MAU2: variants seen among roughly 807,000 people sequenced by gnomAD.
MAU2 encodes the protein MAU2 chromatid cohesion factor homolog.
MAU2 carries 9 observed loss-of-function variants against 89.1 expected under a neutral mutation model. The ratio of observed to expected loss-of-function variants is 0.10; its 90% confidence interval spans 0.06 to 0.18. The LOEUF (loss-of-function observed/expected upper bound fraction) is 0.18. Among genes scored for constraint, MAU2 ranks in the 10% least tolerant of loss-of-function variants. The pLI is 1.00. For missense variants in MAU2, 425 were observed against 803.5 expected (o/e 0.53, Z 5.69); for synonymous variants, 357 against 343.4 (o/e 1.04, Z -0.44).
Position 19,320,873 on chromosome 19 carries a change from C to G in MAU2, c.14C>G (p.Ala5Gly), listed in dbSNP as rs1397202528. Residue 5 changes from alanine to glycine, a missense_variant, in exon 1 of 19, where the codon GCG (alanine) becomes GGG (glycine). Ala to Gly is a moderately conservative substitution (Grantham distance 60, BLOSUM62 0). Coordinates refer to ENST00000262815, the MANE Select transcript of MAU2 (RefSeq NM_015329.4). ...GTGGAGGCCAAAATGGCGGCTCAGGCGGCGGCAGCGGCCCAGGCGGCGGCG... is the reference window on the plus strand; with the variant it reads ...GTGGAGGCCAAAATGGCGGCTCAGGGGGCGGCAGCGGCCCAGGCGGCGGCG... Reference protein sequence around the residue: MAAQAAAAAQAAAAQ... With the variant: MAAQGAAAAQAAAAQ... 6.6e-7 allele frequency: 1 copy of G among 1,517,454 alleles called. No homozygotes were observed. The highest frequency in any genetic ancestry group is 1.3e-5 in the South Asian group (1 of 78,610). The allele number at this position is 1,517,454 out of a possible 1,614,324, so 94.0% of individuals were successfully genotyped here. A position where few individuals can be genotyped will look rare whatever the true frequency, so the allele number is the denominator to read the frequency against.
At chr19:19,328,181 T>G (rs934495428) in intron 1 of MAU2, among the ~76,000 whole-genome samples, 1 of 151,800 alleles carries the variant, frequency 6.6e-6, no homozygotes, top group Non-Finnish European at 1.5e-5. Flanking sequence ...AAAAAAAATT[T>G]TGCAATGCCA....
chr19:19,344,702 T>G, intron 10 of MAU2, 147 bp from the exon 11 acceptor site: 1 of 661,076 alleles, frequency 1.5e-6, no homozygotes. Context: ...TTTGCCCTCA[T>G]GGTGGACGTG....
At chr19:19,340,985 G>A (rs1231584551) in intron 6 of MAU2, 112 bp downstream of exon 6, 14 of 1,420,822 alleles carry the variant, frequency 9.9e-6, no homozygotes, top group African/African-American at 7.1e-5. Context: ...CCCCTTAGGC[G>A]CCCAGACCCT....
intron 16 of MAU2, chr19:19,353,586 C>G (rs2061761659): frequency 6.6e-6 from 1 of 152,308 alleles, no homozygotes. Context: ...CCCAAGTGCT[C>G]CCTGGGCTGC....
intron 3 of MAU2, 69 bp downstream of exon 3, chr19:19,336,256 G>A: frequency 8.5e-7 from 1 of 1,175,326 alleles, no homozygotes; most frequent in Non-Finnish European, 1.3e-6. Context: ...CAGCACATTG[G>A]TAAATTGGGG....
rs1030639500 is a variant in MAU2, at chr19:19,358,350, C to A, written c.*2568C>A. On this transcript the variant is annotated 3_prime_UTR_variant, in exon 19 of 19. Coordinates refer to ENST00000262815, the MANE Select transcript of MAU2 (RefSeq NM_015329.4). ...GTGAGGCTGCCATGTTTCCTTGAGA[C>A]ACAGCTGCCTCTCCCCAGCTCTGTC... The A allele has an allele frequency of 6.6e-6, 1 of 152,230 alleles. No homozygotes were observed. The highest frequency in any genetic ancestry group is 2.4e-5 in the African/African-American group (1 of 41,424). The allele number at this position is 152,230 out of a possible 1,614,324, so 9.4% of individuals were successfully genotyped here. A position where few individuals can be genotyped will look rare whatever the true frequency, so the allele number is the denominator to read the frequency against.
chr19:19,332,825 C>T (rs2061566778), intron 1 of MAU2, among the ~76,000 whole-genome samples: 1 of 152,184 alleles, frequency 6.6e-6, no homozygotes, highest in Non-Finnish European at 1.5e-5. Context: ...GCCTGTAATC[C>T]CAGCACTTCG....
chr19:19,330,032 T>C (rs1346180810), intron 1 of MAU2, among the ~76,000 whole-genome samples: 2 of 151,634 alleles, frequency 1.3e-5, no homozygotes, highest in African/African-American at 4.8e-5. Context: ...CAGGCTGGAG[T>C]GCAGTGGCGC....
At chr19:19,340,984 C>G in intron 6 of MAU2, 111 bp downstream of exon 6, 1 of 1,418,928 alleles carries the variant, frequency 7.0e-7, no homozygotes, top group South Asian at 1.3e-5. Flanking sequence ...GCCCCTTAGG[C>G]GCCCAGACCC....
chr19:19,354,448 G>C lies in MAU2; in HGVS notation c.1639+3G>C. On this transcript the variant is annotated splice_donor_region_variant and intron_variant, in intron 17 of 18. Coordinates refer to ENST00000262815, the MANE Select transcript of MAU2 (RefSeq NM_015329.4). ...GTGGTCGTCAGCACTGCTGAGAGGT[G>C]AGTGCAATGGCCACCCCTCTTCCCC... The C allele has an allele frequency of 6.2e-7, 1 of 1,612,414 alleles. No individual in the cohort carries two copies. The highest frequency in any genetic ancestry group is 8.5e-7 in the Non-Finnish European group (1 of 1,179,254).
intron 6 of MAU2, 127 bp from the exon 7 acceptor site, chr19:19,341,125 A>G: frequency 3.4e-6 from 4 of 1,189,270 alleles, no homozygotes; most frequent in East Asian, 2.5e-5. Flanking sequence ...CTGGGGTTTC[A>G]GGCTGGCCTT....
At chr19:19,350,117 A>G (rs1172728099) in intron 16 of MAU2, among the ~76,000 whole-genome samples, 3 of 150,580 alleles carry the variant, frequency 2.0e-5, no homozygotes, top group Non-Finnish European at 4.4e-5. Flanking sequence ...CAACATAGTG[A>G]AACCCTGTCT....
intron 1 of MAU2, among the ~76,000 whole-genome samples, chr19:19,331,914 G>A (rs769624361): frequency 2.6e-5 from 4 of 152,234 alleles, no homozygotes; most frequent in Non-Finnish European, 4.4e-5. Flanking sequence ...TGATGTCCCA[G>A]TGAAGAAGCA....
chr19:19,341,171 TG>T, intron 6 of MAU2, 80 bp from the exon 7 acceptor site: 1 of 1,492,838 alleles, frequency 6.7e-7, no homozygotes, highest in Admixed American at 1.9e-5. Context: ...CCAGGGCAGG[TG>T]GGCAGGTGAC....
At chr19:19,337,142 A>G (rs746715138) in intron 3 of MAU2, 28 bp from the exon 4 acceptor site, 7 of 1,526,752 alleles carry the variant, frequency 4.6e-6, no homozygotes, top group Admixed American at 1.9e-5. Flanking sequence ...TTTTTCTTAC[A>G]TTCCCAAACG....
chr19:19,351,139 C>T (rs912419244), intron 16 of MAU2, among the ~76,000 whole-genome samples: 7 of 151,320 alleles, frequency 4.6e-5, no homozygotes, highest in African/African-American at 1.7e-4. Context: ...CCTTCACCCC[C>T]TGTAGGCTCA....
intron 16 of MAU2, among the ~76,000 whole-genome samples, chr19:19,351,875 G>T (rs1174877470): frequency 9.8e-6 from 1 of 102,508 alleles, no homozygotes; most frequent in African/African-American, 3.8e-5. Flanking sequence ...TTGAGATGAA[G>T]TCTTGCTCTC....
rs2048178645 is a variant in MAU2 at position 19,356,375 on chromosome 19, G to C, written c.*593G>C. 3.3e-6 allele frequency: 1 copy of C among 300,544 alleles called. No individual in the cohort carries two copies. The highest frequency in any genetic ancestry group is 4.6e-5 in the Admixed American group (1 of 21,652). 18.6% of individuals were successfully genotyped at this position (300,544 alleles called of 1,614,324 possible). On this transcript the variant is annotated 3_prime_UTR_variant, in exon 19 of 19. Transcript: ENST00000262815. ...GGGCCTCTGGTCAGGAACCCTCAGG[G>C]ACCCAGGAACTCAGCTTCCAAACAT...
intron 18 of MAU2, 63 bp downstream of exon 18, chr19:19,355,454 G>A: frequency 2.5e-6 from 4 of 1,594,584 alleles, no homozygotes; most frequent in Non-Finnish European, 3.4e-6. Flanking sequence ...GCAAGAGGAA[G>A]GGGCACCTTG....
Sources: gnomAD v4.1 joint callset for allele counts (sites outside exome capture counted in the v4.1 genomes callset) on GRCh38, gnomAD v4.1.1 for gene constraint, MANE v1.5 for transcripts, NCBI Gene and HGNC (gene_info 2026-07-23, HGNC 2026-07-21) for gene names.